Variants in KCNQ1 observed in about 807,000 individuals in gnomAD.
KCNQ1 encodes potassium voltage-gated channel subfamily KQT member 1.
In KCNQ1, 49 loss-of-function variants were observed where a neutral mutation model predicts 72.4. That is an observed-to-expected ratio of 0.68 (90% CI 0.54 to 0.86). The LOEUF is 0.86. Ranked by LOEUF, KCNQ1 falls within the 40% of genes least tolerant of loss-of-function variation. The probability of loss-of-function intolerance (pLI) is 0.00; values close to 1 mark genes in which losing one functional copy is unlikely to be tolerated. For missense variants in KCNQ1, 790 were observed against 945.1 expected (o/e 0.84, Z 2.15); for synonymous variants, 450 against 412.6 (o/e 1.09, Z -1.10).
chr11:2,786,614 A>T (rs1846920581), intron 15 of KCNQ1, among the ~76,000 whole-genome samples: 2 of 149,076 alleles, frequency 1.3e-5, no homozygotes, highest in African/African-American at 2.5e-5. Context: ...GTCTCTCTGT[A>T]CTGTATTCTG....
intron 10 of KCNQ1, chr11:2,622,257 A>G (rs1345990542): frequency 7.5e-6 from 3 of 398,238 alleles, no homozygotes; most frequent in South Asian, 1.3e-4. Context: ...TACGTTTCCA[A>G]TTGCGAAGTC....
At position 2,659,879 on chromosome 11, in the gene KCNQ1, A is replaced by T; in HGVS notation, c.1394-2082A>T. ...ATGTGCTTATTTATAATCCATTTTT[A>T]AAATTGGATTGTTCACTTTATTGTC... is the stretch of plus-strand genomic sequence containing the variant. On this transcript the variant is annotated intron_variant, in intron 10 of 15. Transcript: ENST00000155840. The surrounding 1 kb of genome is among the most constrained non-coding windows in gnomAD (Gnocchi z 4.3). 1 of 398,378 alleles carries T rather than the reference A, an allele frequency of 2.5e-6. No homozygotes were observed. The highest frequency in any genetic ancestry group is 4.4e-6 in the Non-Finnish European group (1 of 225,966). 24.7% of individuals were successfully genotyped at this position (398,378 alleles called of 1,614,324 possible). A position where few individuals can be genotyped will look rare whatever the true frequency, so the allele number is the denominator to read the frequency against.
intron 15 of KCNQ1, among the ~76,000 whole-genome samples, chr11:2,845,237 G>T (rs965103225): frequency 6.9e-6 from 1 of 145,102 alleles, no homozygotes; most frequent in South Asian, 2.5e-4. Flanking sequence ...TGCTTTCGCC[G>T]GCTCCCTACC....
intron 11 of KCNQ1, among the ~76,000 whole-genome samples, chr11:2,730,842 C>T (rs1260415985): frequency 5.3e-5 from 8 of 152,170 alleles, no homozygotes; most frequent in Non-Finnish European, 1.2e-4. Context: ...ACGCTGGAGC[C>T]GTTTTGGTGG....
At position 2,816,276 on chromosome 11, in the gene KCNQ1, T is replaced by A. The variant is rs1471525502; in HGVS notation, c.1795-31491T>A. Among the ~76,000 whole-genome samples, 1 of 152,170 alleles carries A rather than the reference T, an allele frequency of 6.6e-6. No individual in the cohort carries two copies. The highest frequency in any genetic ancestry group is 1.9e-4 in the East Asian group (1 of 5,194). On this transcript the variant is annotated intron_variant, in intron 15 of 15. Coordinates refer to ENST00000155840, the MANE Select transcript of KCNQ1 (RefSeq NM_000218.3). This position sits in a 1 kb window ranked among gnomAD's most constrained non-coding sequence, Gnocchi z 6.8. ...TGGGAGGGAGACTTGAAGGGCAAGT[T>A]GGCCAAGACTAAAAAGTGGAGTCAA...
chr11:2,675,654 A>AGG (rs1051866738), intron 11 of KCNQ1: 1 of 398,626 alleles, frequency 2.5e-6, no homozygotes, highest in Non-Finnish European at 4.4e-6. Context: ...GCTCTCTAGG[A>AGG]GCCCGCCCAG....
At chr11:2,793,302 G>A (rs187934073) in intron 15 of KCNQ1, among the ~76,000 whole-genome samples, 117 of 152,302 alleles carry the variant, frequency 7.7e-4, no homozygotes, top group Non-Finnish European at 1.5e-3. Context: ...AGGGCTCCGA[G>A]CTTTCTCCAG....
rs1378758887 is a variant in KCNQ1, at chr11:2,447,345, A to G, written c.386+1861A>G. ...GGCCAGGAAAGGGATGCTTCTGTGA[A>G]GTGGCCAGATCTGGGGCTGGTCCTT... On this transcript the variant is annotated intron_variant, in intron 1 of 15. Transcript: ENST00000155840. This position sits in a 1 kb window ranked among gnomAD's most constrained non-coding sequence, Gnocchi z 7.6. Among the ~76,000 whole-genome samples the G allele has an allele frequency of 1.3e-5, 2 of 152,098 alleles. No homozygotes were observed. The highest frequency in any genetic ancestry group is 2.9e-5 in the Non-Finnish European group (2 of 68,010).
chr11:2,501,718 C>CAAAAAAAAAA lies in KCNQ1; in HGVS notation c.387-26190_387-26181dup, dbSNP rs55865890. ...TTACCAAAACCAGACAAAGATACAT[C>CAAAAAAAAAA]AAAAAAAAAAAAAAAAAAAAAAAAA... On this transcript the variant is annotated intron_variant, in intron 1 of 15. Transcript: ENST00000155840. Among the ~76,000 whole-genome samples the CAAAAAAAAAA allele has an allele frequency of 6.8e-4, 47 of 68,910 alleles. 2 individuals are homozygous for CAAAAAAAAAA. Among genetic ancestry groups the CAAAAAAAAAA allele is most frequent in the Non-Finnish European group, 1.0e-3 (35 of 34,650 alleles). The allele number at this position is 68,910 out of a possible 152,430, so 45.2% of individuals were successfully genotyped here.
In KCNQ1 at chr11:2,683,454, A is replaced by C; in HGVS notation, c.1514+21373A>C. 1 of 398,684 alleles carries C rather than the reference A, an allele frequency of 2.5e-6. No homozygotes were observed. Among genetic ancestry groups the C allele is most frequent in the Non-Finnish European group, 4.4e-6 (1 of 226,078 alleles). The allele number at this position is 398,684 out of a possible 1,614,324, so 24.7% of individuals were successfully genotyped here. A position where few individuals can be genotyped will look rare whatever the true frequency, so the allele number is the denominator to read the frequency against. On this transcript the variant is annotated intron_variant, in intron 11 of 15. Coordinates refer to ENST00000155840, the MANE Select transcript of KCNQ1 (RefSeq NM_000218.3). The surrounding 1 kb of genome is among the most constrained non-coding windows in gnomAD (Gnocchi z 4.7). ...GTAACTGGAAAAATGTAGGAATTAC[A>C]TATGATTCCATCAATGACAGTTTTC...
At chr11:2,555,920 T>C (rs1290039393) in intron 2 of KCNQ1, among the ~76,000 whole-genome samples, 3 of 152,214 alleles carry the variant, frequency 2.0e-5, no homozygotes, top group African/African-American at 7.2e-5. Flanking sequence ...CTTCAGGCCC[T>C]GAGGCCTATG....
Position 2,608,131 on chromosome 11 carries a change from A to T in KCNQ1, c.1393+19277A>T, listed in dbSNP as rs1020295925. ...TGGTGTCAGGGTGATACTGGACTGA[A>T]AGAATGTATTGGAAAAATTTTCCTT... is the stretch of plus-strand genomic sequence containing the variant. On this transcript the variant is annotated intron_variant, in intron 10 of 15. Coordinates refer to ENST00000155840, the MANE Select transcript of KCNQ1 (RefSeq NM_000218.3). The surrounding 1 kb of genome is among the most constrained non-coding windows in gnomAD (Gnocchi z 4.6). 1.3e-5 allele frequency among the ~76,000 whole-genome samples: 2 copies of T among 152,196 alleles called. No homozygotes were observed. Among genetic ancestry groups the T allele is most frequent in the Non-Finnish European group, 2.9e-5 (2 of 68,036 alleles).
intron 11 of KCNQ1, among the ~76,000 whole-genome samples, chr11:2,728,940 C>T (rs1845807799): frequency 6.6e-6 from 1 of 152,230 alleles, no homozygotes; most frequent in South Asian, 2.1e-4. Context: ...GGGCAGATAG[C>T]GGGGTGATTA....
At position 2,488,956 on chromosome 11, in the gene KCNQ1, G is replaced by C. The variant is rs1846787978; in HGVS notation, c.387-38972G>C. On this transcript the variant is annotated intron_variant, in intron 1 of 15. Transcript: ENST00000155840. The surrounding 1 kb of genome is among the most constrained non-coding windows in gnomAD (Gnocchi z 5.1). ...AGGTTATTTACTGGAGATCTTTCTT[G>C]TTTATTAATGTAACAATTTATAGGG... Among the ~76,000 whole-genome samples, 1 of 152,086 alleles carries C rather than the reference G, an allele frequency of 6.6e-6. No individual in the cohort carries two copies. Among genetic ancestry groups the C allele is most frequent in the Non-Finnish European group, 1.5e-5 (1 of 68,016 alleles).
intron 11 of KCNQ1, among the ~76,000 whole-genome samples, chr11:2,718,511 C>T (rs1851138942): frequency 6.6e-6 from 1 of 152,218 alleles, no homozygotes; most frequent in Non-Finnish European, 1.5e-5. Flanking sequence ...AATTGGCTTC[C>T]AGTGGATGCA....
intron 15 of KCNQ1, among the ~76,000 whole-genome samples, chr11:2,837,047 G>A (rs1359386386): frequency 6.6e-6 from 1 of 152,180 alleles, no homozygotes; most frequent in Non-Finnish European, 1.5e-5. Flanking sequence ...TGGGCTGGGG[G>A]CACGGGGCAT....
At chr11:2,467,662 G>A (rs1218714155) in intron 1 of KCNQ1, among the ~76,000 whole-genome samples, 1 of 152,198 alleles carries the variant, frequency 6.6e-6, no homozygotes, top group African/African-American at 2.4e-5. Context: ...CACCGGGCCT[G>A]GCCCAGGTGA....
Position 2,572,605 on chromosome 11 carries a change from G to A in KCNQ1, c.781-241G>A, listed in dbSNP as rs1234346488. 2.8e-4 allele frequency among the ~76,000 whole-genome samples: 42 copies of A among 152,204 alleles called. 2 individuals are homozygous for A. The highest frequency in any genetic ancestry group is 2.7e-3 in the Admixed American group (41 of 15,286). On this transcript the variant is annotated intron_variant, in intron 5 of 15. Coordinates refer to ENST00000155840, the MANE Select transcript of KCNQ1 (RefSeq NM_000218.3). ...CTGGGCAATCAGTGGAGCCCGCGCC[G>A]GCCCAGACAGTGGGCCTAGGGCGAC...
Position 2,671,370 on chromosome 11 carries a change from G to C in KCNQ1, c.1514+9289G>C. 2.5e-6 allele frequency: 1 copy of C among 398,470 alleles called. No individual in the cohort carries two copies. The highest frequency in any genetic ancestry group is 4.4e-6 in the Non-Finnish European group (1 of 226,062). The allele number at this position is 398,470 out of a possible 1,614,324, so 24.7% of individuals were successfully genotyped here. On this transcript the variant is annotated intron_variant, in intron 11 of 15. Coordinates refer to ENST00000155840, the MANE Select transcript of KCNQ1 (RefSeq NM_000218.3). The surrounding 1 kb of genome is among the most constrained non-coding windows in gnomAD (Gnocchi z 4.7). ...ATGACACTGGGAATATCCTGAAAAA[G>C]GTACAGGAACACCTGGCATGCCTCT...
Sources: allele counts gnomAD v4.1 joint callset (sites outside exome capture counted in the v4.1 genomes callset), GRCh38; gene constraint gnomAD v4.1.1; non-coding constraint Gnocchi (gnomAD v3.1); transcripts MANE v1.5; gene names NCBI Gene and HGNC (gene_info 2026-07-23, HGNC 2026-07-21).